Variants in ARHGAP26 observed in about 807,000 individuals in gnomAD.
The protein encoded by ARHGAP26 is rho GTPase-activating protein 26.
ARHGAP26 carries 38 observed loss-of-function variants against 104.8 expected under a neutral mutation model. The ratio of observed to expected loss-of-function variants is 0.36; its 90% CI spans 0.28 to 0.48. The LOEUF is 0.48. ARHGAP26 is among the 20% of genes least tolerant of loss of function. The pLI is 0.99. For synonymous variants in ARHGAP26, 341 were observed against 340.0 expected (o/e 1.00, Z -0.03); for missense variants, 704 against 947.9 (o/e 0.74, Z 3.38).
chr5:143,001,646 G>A (rs1043291088), intron 11 of ARHGAP26, among the ~76,000 whole-genome samples: 1 of 152,230 alleles, frequency 6.6e-6, no homozygotes, highest in African/African-American at 2.4e-5. Flanking sequence ...CCTGGAGTCG[G>A]AAGTGGAGTG....
chr5:142,920,248 G>A (rs564817058), intron 10 of ARHGAP26, among the ~76,000 whole-genome samples: 1 of 152,304 alleles, frequency 6.6e-6, no homozygotes, highest in South Asian at 2.1e-4. Context: ...ATGTGAATCG[G>A]TAGTACTTGC....
intron 5 of ARHGAP26, among the ~76,000 whole-genome samples, chr5:142,887,944 G>A (rs1356656450): frequency 6.6e-6 from 1 of 151,914 alleles, no homozygotes; most frequent in Non-Finnish European, 1.5e-5. Flanking sequence ...CAGCCTGGGC[G>A]ACAGAGTGAG....
At chr5:143,194,438 C>T (rs1806465154) in intron 20 of ARHGAP26, among the ~76,000 whole-genome samples, 1 of 152,144 alleles carries the variant, frequency 6.6e-6, no homozygotes. Context: ...ATGTAATCAT[C>T]AGATTTGAAT....
chr5:142,800,066 A>G (rs1761755992), intron 1 of ARHGAP26, among the ~76,000 whole-genome samples: 1 of 152,242 alleles, frequency 6.6e-6, no homozygotes, highest in South Asian at 2.1e-4. Flanking sequence ...CCTTGAATGC[A>G]GGCTCTGAGA....
At chr5:143,188,801 AC>A (rs1805498824) in intron 20 of ARHGAP26, among the ~76,000 whole-genome samples, 1 of 152,260 alleles carries the variant, frequency 6.6e-6, no homozygotes, top group Non-Finnish European at 1.5e-5. Context: ...TAGAACTGTT[AC>A]ATCTCAGGTA....
At chr5:142,813,042 A>G (rs1764420077) in intron 1 of ARHGAP26, among the ~76,000 whole-genome samples, 2 of 143,060 alleles carry the variant, frequency 1.4e-5, no homozygotes, top group African/African-American at 5.3e-5. Flanking sequence ...GGTTCACGCC[A>G]TTCTCCTGCC....
intron 11 of ARHGAP26, among the ~76,000 whole-genome samples, chr5:142,944,195 T>G (rs951181448): frequency 4.6e-5 from 7 of 152,256 alleles, no homozygotes; most frequent in African/African-American, 1.7e-4. Context: ...TGTTTACTCC[T>G]ATACCTGCAC....
chr5:143,102,130 C>A (rs79185896), intron 17 of ARHGAP26, among the ~76,000 whole-genome samples: 1,590 of 152,234 alleles, frequency 0.01, 32 homozygotes, highest in East Asian at 0.086. Context: ...ATATAGACAG[C>A]AGGACCGTGA....
At chr5:142,952,926 G>T (rs767542591) in intron 11 of ARHGAP26, among the ~76,000 whole-genome samples, 5 of 152,008 alleles carry the variant, frequency 3.3e-5, no homozygotes, top group Non-Finnish European at 7.4e-5. Flanking sequence ...GGCCAGGATG[G>T]TCTTGAACTC....
At chr5:142,929,040 C>T (rs1052567222) in intron 10 of ARHGAP26, among the ~76,000 whole-genome samples, 6 of 152,158 alleles carry the variant, frequency 3.9e-5, no homozygotes, top group African/African-American at 7.2e-5. Flanking sequence ...AGGGTTCAAG[C>T]GATTTTCCTG....
intron 17 of ARHGAP26, among the ~76,000 whole-genome samples, chr5:143,096,314 T>A (rs909360315): frequency 1.3e-5 from 2 of 152,266 alleles, no homozygotes; most frequent in Non-Finnish European, 2.9e-5. Flanking sequence ...ATGCTCGTGG[T>A]GCAGATCCAG....
chr5:143,175,946 T>C (rs1803418492), intron 20 of ARHGAP26, among the ~76,000 whole-genome samples: 1 of 152,132 alleles, frequency 6.6e-6, no homozygotes, highest in East Asian at 1.9e-4. Flanking sequence ...AAACCCCTTC[T>C]CTACTAAAAA....
At chr5:143,129,050 A>C (rs1202801211) in intron 18 of ARHGAP26, among the ~76,000 whole-genome samples, 1 of 152,212 alleles carries the variant, frequency 6.6e-6, no homozygotes, top group Non-Finnish European at 1.5e-5. Context: ...ATGGATAAGA[A>C]CAGATTCCAC....
chr5:142,797,860 C>G (rs1476577844), intron 1 of ARHGAP26, among the ~76,000 whole-genome samples: 1 of 152,188 alleles, frequency 6.6e-6, no homozygotes, highest in East Asian at 1.9e-4. Context: ...GCCTGGGGAC[C>G]TTGTTAAAAT....
rs563932781 is a variant in ARHGAP26 at position 143,182,153 on chromosome 5, T to C, written c.1989-25045T>C. ...TCACTGTCTACCACATCACTCTGTGTTATTTCCCTAATAGTAGTAAGAGTT... is the reference window on the plus strand; with the variant it reads ...TCACTGTCTACCACATCACTCTGTGCTATTTCCCTAATAGTAGTAAGAGTT... On this transcript the variant is annotated intron_variant, in intron 20 of 22. Coordinates refer to ENST00000645722, the MANE Select transcript of ARHGAP26 (RefSeq NM_001135608.3). Among the ~76,000 whole-genome samples, 132 of 152,314 alleles carry C rather than the reference T, an allele frequency of 8.7e-4. 1 individual carries two copies. The highest frequency in any genetic ancestry group is 1.4e-3 in the Non-Finnish European group (95 of 68,040).
In ARHGAP26 at chr5:143,112,861, C is replaced by T. The variant is rs189094719; in HGVS notation, c.1539-8127C>T. On this transcript the variant is annotated intron_variant, in intron 17 of 22. Coordinates refer to ENST00000645722, the MANE Select transcript of ARHGAP26 (RefSeq NM_001135608.3). The stretch of plus-strand genomic sequence containing the variant: ...ACATTTTGCTTATCTGTTCATCCAT[C>T]AGTAGACATTTGGGTTGCTTCTGCA... Among the ~76,000 whole-genome samples, 14 of 152,346 alleles carry T rather than the reference C, an allele frequency of 9.2e-5. No homozygotes were observed. In the East Asian group the frequency reaches 2.5e-3, roughly 27 times the overall value.
intron 11 of ARHGAP26, among the ~76,000 whole-genome samples, chr5:142,980,079 A>G (rs1411051482): frequency 6.6e-6 from 1 of 152,212 alleles, no homozygotes; most frequent in East Asian, 1.9e-4. Context: ...CCCTCCAGGT[A>G]ACCACTCTTC....
At chr5:143,008,506 G>GCCACCT (rs1778300055) in intron 11 of ARHGAP26, among the ~76,000 whole-genome samples, 1 of 152,210 alleles carries the variant, frequency 6.6e-6, no homozygotes, top group Non-Finnish European at 1.5e-5. Flanking sequence ...GGTACATCAG[G>GCCACCT]GGAACAGCCA....
At chr5:143,016,702 C>CAAAAA (rs5871833) in intron 12 of ARHGAP26, among the ~76,000 whole-genome samples, 5 of 126,366 alleles carry the variant, frequency 4.0e-5, no homozygotes, top group Admixed American at 8.1e-5. Context: ...GACTCTGTCT[C>CAAAAA]AAAAAAAAAA....
Sources: gnomAD v4.1 joint callset for allele counts (sites outside exome capture counted in the v4.1 genomes callset) on GRCh38, gnomAD v4.1.1 for gene constraint, MANE v1.5 for transcripts, NCBI Gene and HGNC (gene_info 2026-07-23, HGNC 2026-07-21) for gene names.